AP3D1: variants seen among roughly 807,000 people sequenced by gnomAD.
AP3D1 encodes adaptor related protein complex 3 subunit delta 1.
In AP3D1, 51 loss-of-function variants were observed where a neutral mutation model predicts 147.6. That is an observed-to-expected ratio of 0.35 (90% confidence interval 0.28 to 0.44). The LOEUF is 0.44. Ranked by LOEUF, AP3D1 falls within the 20% of genes least tolerant of loss-of-function variation. AP3D1 has a pLI of 1.00. For synonymous variants in AP3D1, 760 were observed against 663.0 expected (o/e 1.15, Z -2.25); for missense variants, 1,421 against 1,624.2 (o/e 0.87, Z 2.15).
At position 2,108,758 on chromosome 19, in the gene AP3D1, G is replaced by A. The variant is rs1359616709; in HGVS notation, c.3481C>T (p.Arg1161Ter). The part of the protein sequence containing the change: ...CFHHHFSVVE[R>*]VDSCASMYSR... ...TACATGGAGGCGCAGGAGTCCACTC[G>A]CTCCACAACTGCAACAGAGCGGGCA... Residue 1161 changes from arginine to a stop codon, truncating the protein, a stop_gained, in exon 31 of 32, where the codon CGA (arginine) becomes TGA (stop). Transcript: ENST00000643116. LOFTEE classifies it high-confidence loss of function. The A allele has an allele frequency of 6.4e-7, 1 of 1,569,948 alleles. No individual in the cohort carries two copies. Among genetic ancestry groups the A allele is most frequent in the East Asian group, 2.4e-5 (1 of 41,988 alleles).
intron 9 of AP3D1, among the ~76,000 whole-genome samples, chr19:2,124,463 C>T (rs999953383): frequency 2.0e-5 from 3 of 152,192 alleles, no homozygotes; most frequent in African/African-American, 7.2e-5. Flanking sequence ...GCTCTAACAG[C>T]TTTAAAAGAA....
intron 4 of AP3D1, among the ~76,000 whole-genome samples, chr19:2,132,910 G>C (rs940392598): frequency 1.3e-5 from 2 of 152,140 alleles, no homozygotes; most frequent in African/African-American, 4.8e-5. Flanking sequence ...TGGATGGGCA[G>C]GGCTGGGGAC....
intron 1 of AP3D1, among the ~76,000 whole-genome samples, chr19:2,149,466 C>T (rs2019448011): frequency 1.3e-5 from 2 of 151,042 alleles, no homozygotes; most frequent in South Asian, 2.1e-4. Flanking sequence ...TCGCTTGAAC[C>T]TGGGAGGTGA....
intron 1 of AP3D1, among the ~76,000 whole-genome samples, chr19:2,163,373 C>T (rs1258091186): frequency 6.6e-6 from 1 of 151,756 alleles, no homozygotes; most frequent in Non-Finnish European, 1.5e-5. Flanking sequence ...GGCTCCTGGC[C>T]GTGAGAGGGG....
chr19:2,162,890 C>G (rs1023029326), intron 1 of AP3D1, among the ~76,000 whole-genome samples: 4 of 151,774 alleles, frequency 2.6e-5, no homozygotes, highest in Non-Finnish European at 5.9e-5. Flanking sequence ...TGGTGTCCCC[C>G]GGGGACTTGG....
intron 17 of AP3D1, 57 bp downstream of exon 17, chr19:2,116,548 A>T: frequency 6.7e-7 from 1 of 1,488,896 alleles, no homozygotes; most frequent in Non-Finnish European, 8.9e-7. Context: ...TGCCTCAAAG[A>T]CTCCCTGGGA....
At chr19:2,141,142 T>A (rs943860515) in intron 1 of AP3D1, among the ~76,000 whole-genome samples, 7 of 152,114 alleles carry the variant, frequency 4.6e-5, no homozygotes, top group African/African-American at 1.7e-4. Flanking sequence ...AGATGTAAAT[T>A]AGCTGAAGCT....
chr19:2,111,965 G>A lies in AP3D1; in HGVS notation c.2788-137C>T, dbSNP rs538222861. Reference sequence around the variant, plus strand: ...TGGGTGGGATGGCAGGACCAGCCACGCCTCAGGCCTACCGGGACAAGCTCA... The same window carrying A: ...TGGGTGGGATGGCAGGACCAGCCACACCTCAGGCCTACCGGGACAAGCTCA... On this transcript the variant is annotated intron_variant, in intron 24 of 31. Coordinates refer to ENST00000643116, the MANE Select transcript of AP3D1 (RefSeq NM_001261826.3). 1.0e-3 allele frequency: 1,388 copies of A among 1,372,450 alleles called. 1 individual carries two copies. Among genetic ancestry groups the A allele is most frequent in the Non-Finnish European group, 1.0e-3 (1,030 of 1,000,726 alleles). 85.0% of individuals were successfully genotyped at this position (1,372,450 alleles called of 1,614,324 possible).
rs1359706733 is a variant in AP3D1, at chr19:2,111,029, CT to C, written c.2986-134del. 3 of 1,088,270 alleles carry C rather than the reference CT, an allele frequency of 2.8e-6. No individual in the cohort carries two copies. The African/African-American group carries it at 4.7e-5, about 17-fold the overall frequency. 67.4% of individuals were successfully genotyped at this position (1,088,270 alleles called of 1,614,324 possible). A position where few individuals can be genotyped will look rare whatever the true frequency, so the allele number is the denominator to read the frequency against. ...AGGAAGGCACGGAGAGGGGCGCCCC[CT>C]AGCCGCAGGCCAAGCGCCTCCTATG... is the stretch of plus-strand genomic sequence containing the variant. On this transcript the variant is annotated intron_variant, in intron 26 of 31. Coordinates refer to ENST00000643116, the MANE Select transcript of AP3D1 (RefSeq NM_001261826.3).
chr19:2,108,462 A>G (rs894703552), intron 31 of AP3D1, among the ~76,000 whole-genome samples: 1 of 152,198 alleles, frequency 6.6e-6, no homozygotes, highest in African/African-American at 2.4e-5. Context: ...GCCATGTGTC[A>G]GCCTGCGGTG....
intron 3 of AP3D1, among the ~76,000 whole-genome samples, chr19:2,137,500 G>A (rs1159980850): frequency 1.3e-5 from 2 of 152,060 alleles, no homozygotes; most frequent in African/African-American, 4.8e-5. Context: ...ATTTTTAGTA[G>A]AGATGGGGTT....
chr19:2,102,416 A>G, intron 31 of AP3D1, 148 bp from the exon 32 acceptor site: 1 of 651,014 alleles, frequency 1.5e-6, no homozygotes, highest in Non-Finnish European at 2.7e-6. Context: ...CAACACGGTG[A>G]AACCCTGTCT....
chr19:2,118,509 G>A, intron 15 of AP3D1, 92 bp downstream of exon 15: 1 of 1,218,530 alleles, frequency 8.2e-7, no homozygotes, highest in South Asian at 1.4e-5. Flanking sequence ...CTTCGGAAGA[G>A]GAAGCGAGGC....
At chr19:2,147,557 G>GA (rs552693552) in intron 1 of AP3D1, among the ~76,000 whole-genome samples, 15 of 134,674 alleles carry the variant, frequency 1.1e-4, no homozygotes, top group African/African-American at 3.3e-4. Context: ...CTCTGACTTG[G>GA]AAAAAAAACA....
chr19:2,157,117 T>TCCAC (rs1568315197), intron 1 of AP3D1, among the ~76,000 whole-genome samples: 2 of 149,402 alleles, frequency 1.3e-5, no homozygotes, highest in African/African-American at 2.5e-5. Context: ...CATCCATCCA[T>TCCAC]CCACCCACCC....
rs908603841 is a variant in AP3D1, at chr19:2,101,345, C to T, written c.*828G>A. 1 of 152,294 alleles carries T rather than the reference C, an allele frequency of 6.6e-6. No individual in the cohort carries two copies. Among genetic ancestry groups the T allele is most frequent in the Non-Finnish European group, 1.5e-5 (1 of 68,064 alleles). The allele number at this position is 152,294 out of a possible 1,614,324, so 9.4% of individuals were successfully genotyped here. On this transcript the variant is annotated 3_prime_UTR_variant, in exon 32 of 32. Coordinates refer to ENST00000643116, the MANE Select transcript of AP3D1 (RefSeq NM_001261826.3). ...AAGGGCACTGGGCACACTCCTTCAA[C>T]ACAGAACAGCCCAGGTCCGCTGCTT...
intron 9 of AP3D1, 136 bp from the exon 10 acceptor site, chr19:2,124,015 G>A (rs1046028206): frequency 1.2e-5 from 12 of 1,006,146 alleles, no homozygotes; most frequent in Non-Finnish European, 1.7e-5. Context: ...CTGAGTTTGG[G>A]ACCACGCAGC....
chr19:2,164,305 C>T (rs2019823274), intron 1 of AP3D1: 3 of 1,226,854 alleles, frequency 2.4e-6, no homozygotes, highest in Non-Finnish European at 3.1e-6. Flanking sequence ...CCCGGCCTCC[C>T]CTCCTCCGCC....
chr19:2,156,549 C>A (rs970110012), upstream of AP3D1, among the ~76,000 whole-genome samples: 8 of 146,344 alleles, frequency 5.5e-5, no homozygotes, highest in African/African-American at 2.0e-4. Flanking sequence ...CAATCAACAA[C>A]GTTTATTGAA....
Sources: allele counts gnomAD v4.1 joint callset (sites outside exome capture counted in the v4.1 genomes callset), GRCh38; gene constraint gnomAD v4.1.1; transcripts MANE v1.5; gene names NCBI Gene and HGNC (gene_info 2026-07-23, HGNC 2026-07-21).